Variants in PKDCC observed in about 807,000 individuals in gnomAD.
PKDCC encodes extracellular tyrosine-protein kinase PKDCC.
In PKDCC, 35 loss-of-function variants were observed where a neutral mutation model predicts 44.7. The observed-to-expected ratio is 0.78, with a 90% CI of 0.60 to 1.04. The LOEUF (loss-of-function observed/expected upper bound fraction) is 1.04. Among genes scored for constraint, PKDCC ranks in the 50% least tolerant of loss-of-function variants. PKDCC has a pLI of 0.00. For missense variants in PKDCC, 738 were observed against 672.7 expected, an observed-to-expected ratio of 1.10 and a Z score of -1.07; for synonymous variants, 353 against 303.3, an observed-to-expected ratio of 1.16 and a Z score of -1.70.
chr2:42,053,309 C>T lies in PKDCC; in HGVS notation c.710C>T (p.Ala237Val), dbSNP rs760674135. The T allele has an allele frequency of 6.2e-7, 1 of 1,613,770 alleles. No homozygotes were observed. Among genetic ancestry groups the T allele is most frequent in the Admixed American group, 1.7e-5 (1 of 59,958 alleles). ...DTLTTITELGAPVEMIQLLQT... is the reference protein window; with the variant it reads ...DTLTTITELGVPVEMIQLLQT... The stretch of plus-strand genomic sequence containing the variant: ...CTGACCACCATCACGGAGCTGGGCG[C>T]CCCTGTAGAAATGATCCAGCTGCTG... The change falls in exon 2 of 7, where the codon GCC (alanine) becomes GTC (valine). Residue 237 changes from alanine to valine, a missense_variant. Transcript: ENST00000294964.
intron 5 of PKDCC, 150 bp from the exon 6 acceptor site, chr2:42,057,071 C>T: frequency 1.3e-6 from 1 of 785,638 alleles, no homozygotes; most frequent in Non-Finnish European, 2.1e-6. Flanking sequence ...ACAGTGGTAG[C>T]TGCCTTCATC....
chr2:42,057,182 C>A, intron 5 of PKDCC, 39 bp from the exon 6 acceptor site: 1 of 1,604,146 alleles, frequency 6.2e-7, no homozygotes, highest in Non-Finnish European at 8.5e-7. Flanking sequence ...CAAACCTGGG[C>A]ATACAGAATT....
intron 2 of PKDCC, 80 bp from the exon 3 acceptor site, chr2:42,053,956 C>T (rs914943872): frequency 6.5e-6 from 10 of 1,531,006 alleles, no homozygotes; most frequent in Non-Finnish European, 8.8e-6. Flanking sequence ...GTTCAGATTC[C>T]AAGAGGAGGG....
chr2:42,054,433 G>T lies in PKDCC; in HGVS notation c.1034+126G>T. The T allele has an allele frequency of 5.2e-6, 6 of 1,146,542 alleles. No homozygotes were observed. Among genetic ancestry groups the T allele is most frequent in the South Asian group, 1.6e-5 (1 of 62,432 alleles). The allele number at this position is 1,146,542 out of a possible 1,614,324, so 71.0% of individuals were successfully genotyped here. On this transcript the variant is annotated intron_variant, in intron 3 of 6. Coordinates refer to ENST00000294964, the MANE Select transcript of PKDCC (RefSeq NM_138370.3). The surrounding 1 kb of genome is among the most constrained non-coding windows in gnomAD (Gnocchi z 6.1). ...TCAGCCTTGACCAGAGCAAGGGAAG[G>T]CTTCTACCCTGTCCAGAAGGGAACA...
At position 42,054,086 on chromosome 2, in the gene PKDCC, G is replaced by T. The variant is rs148462037; in HGVS notation, c.813G>T (p.Leu271=). ...TCCACCACCTGGCCCACTCCCCACT[G>T]GGCTCCGTCACTCTGCTGGACTTCC... ...RLLHHLAHSP[L]GSVTLLDFRP... Residue 271 remains leucine, a synonymous_variant, in exon 3 of 7, where the codon CTG becomes CTT. Transcript: ENST00000294964. The surrounding 1 kb of genome is among the most constrained non-coding windows in gnomAD (Gnocchi z 6.1). 4.4e-4 allele frequency: 713 copies of T among 1,612,584 alleles called. 5 individuals are homozygous for T. In the African/African-American group the frequency reaches 8.9e-3, roughly 20 times the overall value.
Position 42,055,052 on chromosome 2 carries a change from C to A in PKDCC, c.1114+32C>A. 1 of 1,589,218 alleles carries A rather than the reference C, an allele frequency of 6.3e-7. No homozygotes were observed. Among genetic ancestry groups the A allele is most frequent in the Non-Finnish European group, 8.6e-7 (1 of 1,157,824 alleles). On this transcript the variant is annotated intron_variant, in intron 4 of 6. Coordinates refer to ENST00000294964, the MANE Select transcript of PKDCC (RefSeq NM_138370.3). This position sits in a 1 kb window ranked among gnomAD's most constrained non-coding sequence, Gnocchi z 4.5. Reference sequence around the variant, plus strand: ...TCTCCAGGGCCCATCTGCTTCCAGGCACCTACCCCACCCCCACCCGCCAGC... The same window carrying A: ...TCTCCAGGGCCCATCTGCTTCCAGGAACCTACCCCACCCCCACCCGCCAGC...
At position 42,057,232 on chromosome 2, in the gene PKDCC, A is replaced by G. The variant is rs772640989; in HGVS notation, c.1234A>G (p.Ile412Val). Reference protein sequence around the residue: ...TASSSTEYQCIPDSTIPQEDY... With the variant: ...TASSSTEYQCVPDSTIPQEDY... ...TCCCCAACCCACAGAGTACCAGTGTATCCCAGACAGCACCATCCCCCAGGA... is the reference window on the plus strand; with the variant it reads ...TCCCCAACCCACAGAGTACCAGTGTGTCCCAGACAGCACCATCCCCCAGGA... Residue 412 changes from isoleucine to valine, a missense_variant, in exon 6 of 7, where the codon ATC becomes GTC. Coordinates refer to ENST00000294964, the MANE Select transcript of PKDCC (RefSeq NM_138370.3). 3 of 1,614,154 alleles carry G rather than the reference A, an allele frequency of 1.9e-6. No individual in the cohort carries two copies. The highest frequency in any genetic ancestry group is 1.7e-5 in the Admixed American group (1 of 60,024).
In PKDCC at chr2:42,048,692, C is replaced by T. The variant is rs1425088765; in HGVS notation, c.493C>T (p.Leu165Phe). Residue 165 changes from leucine to phenylalanine, a missense_variant, in exon 1 of 7, where the codon CTC becomes TTC. Physicochemically the swap from Leu to Phe is conservative, Grantham distance 22 (BLOSUM62 0). Transcript: ENST00000294964. This position sits in a 1 kb window ranked among gnomAD's most constrained non-coding sequence, Gnocchi z 6.2. ...VRLPGGAAVA[L>F]KAVDFSGHDL... ...CCTGCCCGGCGGTGCCGCGGTGGCGCTCAAGGCGGTGGACTTTAGCGGCCA... is the reference window on the plus strand; with the variant it reads ...CCTGCCCGGCGGTGCCGCGGTGGCGTTCAAGGCGGTGGACTTTAGCGGCCA... 1 of 1,550,676 alleles carries T rather than the reference C, an allele frequency of 6.4e-7. No individual in the cohort carries two copies.
Position 42,056,221 on chromosome 2 carries a change from G to T in PKDCC, c.1222+828G>T, listed in dbSNP as rs547120896. The stretch of plus-strand genomic sequence containing the variant: ...AGGGTGGGGTGGCCAGAGGCCCAGG[G>T]CTTCTGCATTATCAGTCCAGAGCTG... On this transcript the variant is annotated intron_variant, in intron 5 of 6. Transcript: ENST00000294964. Among the ~76,000 whole-genome samples, 76 of 152,244 alleles carry T rather than the reference G, an allele frequency of 5.0e-4. No individual in the cohort carries two copies. The South Asian group carries it at 9.7e-3, about 20-fold the overall frequency.
rs1379625589 is a variant in PKDCC at position 42,054,582 on chromosome 2, C to T, written c.1034+275C>T. The T allele has an allele frequency of 7.3e-6, 4 of 548,506 alleles. No individual in the cohort carries two copies. The African/African-American group carries it at 7.5e-5, about 10-fold the overall frequency. 34.0% of individuals were successfully genotyped at this position (548,506 alleles called of 1,614,324 possible). ...GAGCCTAGGGCTGGTGGAACTGGCACTTTTCCCTTCCCACCCAGGCCCTTG... is the reference window on the plus strand; with the variant it reads ...GAGCCTAGGGCTGGTGGAACTGGCATTTTTCCCTTCCCACCCAGGCCCTTG... On this transcript the variant is annotated intron_variant, in intron 3 of 6. Transcript: ENST00000294964. This position sits in a 1 kb window ranked among gnomAD's most constrained non-coding sequence, Gnocchi z 6.1.
At position 42,054,100 on chromosome 2, in the gene PKDCC, T is replaced by C; in HGVS notation, c.827T>C (p.Leu276Pro). Residue 276 changes from leucine (L) to proline (P), a missense_variant, in exon 3 of 7, where the codon CTG (leucine) becomes CCG (proline). Transcript: ENST00000294964. This position sits in a 1 kb window ranked among gnomAD's most constrained non-coding sequence, Gnocchi z 6.1. ...CACTCCCCACTGGGCTCCGTCACTC[T>C]GCTGGACTTCCGCCCTCGGCAGTTT... ...LAHSPLGSVT[L>P]LDFRPRQFVL... is the part of the protein sequence containing the mutation. 6.2e-7 allele frequency: 1 copy of C among 1,612,996 alleles called. No homozygotes were observed. Among genetic ancestry groups the C allele is most frequent in the Non-Finnish European group, 8.5e-7 (1 of 1,179,872 alleles).
rs1037590926 is a variant in PKDCC at position 42,055,621 on chromosome 2, A to T, written c.1222+228A>T. 5.5e-6 allele frequency: 3 copies of T among 541,382 alleles called. No individual in the cohort carries two copies. The highest frequency in any genetic ancestry group is 1.0e-5 in the Non-Finnish European group (3 of 300,624). The allele number at this position is 541,382 out of a possible 1,614,324, so 33.5% of individuals were successfully genotyped here. A position where few individuals can be genotyped will look rare whatever the true frequency, so the allele number is the denominator to read the frequency against. On this transcript the variant is annotated intron_variant, in intron 5 of 6. Coordinates refer to ENST00000294964, the MANE Select transcript of PKDCC (RefSeq NM_138370.3). The surrounding 1 kb of genome is among the most constrained non-coding windows in gnomAD (Gnocchi z 4.5). The stretch of plus-strand genomic sequence containing the variant: ...TTCTGCCTTCAACCTGGGGTTGGGC[A>T]CTGATACCCCTACTCTGGATGGCTC...
chr2:42,053,361 A>T lies in PKDCC; in HGVS notation c.762A>T (p.Arg254=). The change falls in exon 2 of 7, where the codon CGA becomes CGT. Residue 254 remains arginine (R), a splice_region_variant and synonymous_variant. Coordinates refer to ENST00000294964, the MANE Select transcript of PKDCC (RefSeq NM_138370.3). ...LLQTSWEDRF[R]ICLSLGRLLH... Reference sequence around the variant, plus strand: ...AAACTTCCTGGGAGGATCGATTCCGAGTGAGCTCAGAGGAGGGCTCGGGCC... The same window carrying T: ...AAACTTCCTGGGAGGATCGATTCCGTGTGAGCTCAGAGGAGGGCTCGGGCC... 1 of 1,610,744 alleles carries T rather than the reference A, an allele frequency of 6.2e-7. No individual in the cohort carries two copies. The highest frequency in any genetic ancestry group is 8.5e-7 in the Non-Finnish European group (1 of 1,178,286).
Position 42,048,690 on chromosome 2 carries a change from CG to C in PKDCC, c.492del (p.Leu165SerfsTer65), listed in dbSNP as rs1158542233. 2.6e-6 allele frequency: 4 copies of C among 1,549,932 alleles called. No homozygotes were observed. In the Admixed American group the frequency reaches 5.9e-5, roughly 23 times the overall value. On this transcript the variant is annotated frameshift_variant, in exon 1 of 7. Coordinates refer to ENST00000294964, the MANE Select transcript of PKDCC (RefSeq NM_138370.3). LOFTEE classifies it high-confidence loss of function. This position sits in a 1 kb window ranked among gnomAD's most constrained non-coding sequence, Gnocchi z 6.2. ...RVRLPGGAAVALKAVDFSGHD... is the reference protein window; with the variant it reads ...RVRLPGGAAVXLKAVDFSGHD... The stretch of plus-strand genomic sequence containing the variant: ...CGCCTGCCCGGCGGTGCCGCGGTGG[CG>C]CTCAAGGCGGTGGACTTTAGCGGCC...
chr2:42,057,388 TGGACA>T lies in PKDCC; in HGVS notation c.1393_1396+1del. The T allele has an allele frequency of 6.2e-7, 1 of 1,614,162 alleles. No individual in the cohort carries two copies. The highest frequency in any genetic ancestry group is 8.5e-7 in the Non-Finnish European group (1 of 1,180,038). ...CTTTGTGGTCACCAACCAGACCACC[TGGACA>T]GGTGAGCCAGTGGGAGAAGCCCTTC... On this transcript the variant is annotated frameshift_variant and splice_region_variant, in exon 6 of 7. Transcript: ENST00000294964. LOFTEE classifies it high-confidence loss of function.
Position 42,051,355 on chromosome 2 carries a change from A to C in PKDCC, c.640-1884A>C, listed in dbSNP as rs987550487. Among the ~76,000 whole-genome samples, 44 of 148,822 alleles carry C rather than the reference A, an allele frequency of 3.0e-4. No homozygotes were observed. The highest frequency in any genetic ancestry group is 3.5e-3 in the Middle Eastern group (1 of 286). On this transcript the variant is annotated intron_variant, in intron 1 of 6. Coordinates refer to ENST00000294964, the MANE Select transcript of PKDCC (RefSeq NM_138370.3). The surrounding 1 kb of genome is among the most constrained non-coding windows in gnomAD (Gnocchi z 4.2). Reference sequence around the variant, plus strand: ...CTCCCCACCTCCCCCTCCCCCAGTCATCCTGGGGCCCCCAGGCCTTGGATG... The same window carrying C: ...CTCCCCACCTCCCCCTCCCCCAGTCCTCCTGGGGCCCCCAGGCCTTGGATG...
Position 42,048,767 on chromosome 2 carries a change from C to G in PKDCC, c.568C>G (p.Arg190Gly), listed in dbSNP as rs766531345. Residue 190 changes from arginine (R) to glycine (G), a missense_variant, in exon 1 of 7, where the codon CGG (arginine) becomes GGG (glycine). Physicochemically the swap from Arg to Gly is moderately radical, Grantham distance 125. Transcript: ENST00000294964. This position sits in a 1 kb window ranked among gnomAD's most constrained non-coding sequence, Gnocchi z 6.2. ...GTTCGGGGTACGGAGGGGCTGCTAT[C>G]GGCTGGCGGCCCACAAGCTGCTTAA... ...REFGVRRGCY[R>G]LAAHKLLKEM... 3 of 1,559,090 alleles carry G rather than the reference C, an allele frequency of 1.9e-6. No individual in the cohort carries two copies. The highest frequency in any genetic ancestry group is 1.2e-5 in the South Asian group (1 of 85,258).
rs939573268 is a variant in PKDCC at position 42,051,679 on chromosome 2, G to C, written c.640-1560G>C. ...CTTCCCCCCACCCCACCAGGGTCTG[G>C]GGCTTCCCTGGACTGATGGGGAGGG... On this transcript the variant is annotated intron_variant, in intron 1 of 6. Transcript: ENST00000294964. This position sits in a 1 kb window ranked among gnomAD's most constrained non-coding sequence, Gnocchi z 4.2. Among the ~76,000 whole-genome samples, 3 of 152,104 alleles carry C rather than the reference G, an allele frequency of 2.0e-5. No homozygotes were observed. Among genetic ancestry groups the C allele is most frequent in the Non-Finnish European group, 4.4e-5 (3 of 68,010 alleles).
At position 42,048,789 on chromosome 2, in the gene PKDCC, T is replaced by C; in HGVS notation, c.590T>C (p.Leu197Pro). The C allele has an allele frequency of 6.6e-7, 1 of 1,504,832 alleles. No homozygotes were observed. 93.2% of individuals were successfully genotyped at this position (1,504,832 alleles called of 1,614,324 possible). A position where few individuals can be genotyped will look rare whatever the true frequency, so the allele number is the denominator to read the frequency against. ...TATCGGCTGGCGGCCCACAAGCTGC[T>C]TAAGGAGATGGTGCTGCTGGAGCGG... ...GCYRLAAHKLLKEMVLLERLR... is the reference protein window; with the variant it reads ...GCYRLAAHKLPKEMVLLERLR... The change falls in exon 1 of 7, where the codon CTT becomes CCT. Residue 197 changes from leucine to proline, a missense_variant. By Grantham distance (98) the Leu-to-Pro change is moderately conservative (BLOSUM62 -3). Coordinates refer to ENST00000294964, the MANE Select transcript of PKDCC (RefSeq NM_138370.3). This position sits in a 1 kb window ranked among gnomAD's most constrained non-coding sequence, Gnocchi z 6.2.
Sources: gnomAD v4.1 joint callset for allele counts (sites outside exome capture counted in the v4.1 genomes callset) on GRCh38, gnomAD v4.1.1 for gene constraint, Gnocchi (gnomAD v3.1) non-coding constraint, MANE v1.5 for transcripts, NCBI Gene and HGNC (gene_info 2026-07-23, HGNC 2026-07-21) for gene names.